The following RABGAP1L variants were observed in gnomAD, a reference collection of about 807,000 sequenced individuals.
RABGAP1L encodes rab GTPase-activating protein 1-like.
In RABGAP1L, 63 loss-of-function variants were observed where a neutral mutation model predicts 137.7. The ratio of observed to expected loss-of-function variants is 0.46; its 90% CI spans 0.37 to 0.56. RABGAP1L has a LOEUF of 0.56. Among genes scored for constraint, RABGAP1L ranks in the 20% least tolerant of loss-of-function variants. RABGAP1L has a pLI of 0.00. For missense variants in RABGAP1L, 1,095 were observed against 1,244.0 expected (o/e 0.88, Z 1.80); for synonymous variants, 431 against 433.7 (o/e 0.99, Z 0.08).
chr1:174,916,523 A>T (rs1033924018), intron 19 of RABGAP1L, among the ~76,000 whole-genome samples: 1 of 152,256 alleles, frequency 6.6e-6, no homozygotes, highest in African/African-American at 2.4e-5. Flanking sequence ...TATGATAGTC[A>T]CAAATATGAA....
At chr1:174,384,195 C>T (rs1047331913) in intron 12 of RABGAP1L, among the ~76,000 whole-genome samples, 1 of 152,090 alleles carries the variant, frequency 6.6e-6, no homozygotes, top group Non-Finnish European at 1.5e-5. Context: ...CTATGTTATT[C>T]CATTTGTATG....
At chr1:174,775,566 GC>G (rs1241680427) in intron 18 of RABGAP1L, among the ~76,000 whole-genome samples, 1 of 152,104 alleles carries the variant, frequency 6.6e-6, no homozygotes, top group Non-Finnish European at 1.5e-5. Context: ...GCCCACCTTG[GC>G]CTCCTAAAGT....
intron 11 of RABGAP1L, among the ~76,000 whole-genome samples, chr1:174,351,551 T>C (rs913603642): frequency 6.6e-6 from 1 of 152,174 alleles, no homozygotes; most frequent in Admixed American, 6.5e-5. Context: ...ATATTGCAGC[T>C]CCATTGTATG....
chr1:174,724,085 A>G (rs1408161348), intron 17 of RABGAP1L, among the ~76,000 whole-genome samples: 6 of 152,224 alleles, frequency 3.9e-5, no homozygotes, highest in Non-Finnish European at 7.3e-5. Context: ...TGTATTAAGT[A>G]TGCATTTTAA....
At chr1:174,283,335 G>A (rs1254156532) in intron 10 of RABGAP1L, among the ~76,000 whole-genome samples, 2 of 152,036 alleles carry the variant, frequency 1.3e-5, no homozygotes, top group Non-Finnish European at 2.9e-5. Flanking sequence ...GAGCCCAGGA[G>A]GTTGAGGCTT....
At chr1:174,537,794 A>C (rs1285522351) in intron 13 of RABGAP1L, among the ~76,000 whole-genome samples, 1 of 152,214 alleles carries the variant, frequency 6.6e-6, no homozygotes, top group East Asian at 1.9e-4. Flanking sequence ...AGAACACAAA[A>C]AAGTTATAAT....
At chr1:174,358,646 GT>G (rs1683859684) in intron 11 of RABGAP1L, among the ~76,000 whole-genome samples, 1 of 152,172 alleles carries the variant, frequency 6.6e-6, no homozygotes, top group Non-Finnish European at 1.5e-5. Context: ...GCCACAGGGA[GT>G]CCATTTTGTC....
In RABGAP1L at chr1:174,448,918, G is replaced by A. The variant is rs745731239; in HGVS notation, c.1710+54773G>A. The A allele has an allele frequency of 1.2e-6, 2 of 1,613,880 alleles. No individual in the cohort carries two copies. Among genetic ancestry groups the A allele is most frequent in the Admixed American group, 1.7e-5 (1 of 60,016 alleles). On this transcript the variant is annotated intron_variant, in intron 13 of 25. Coordinates refer to ENST00000681986, the MANE Select transcript of RABGAP1L (RefSeq NM_001366446.1). The surrounding 1 kb of genome is among the most constrained non-coding windows in gnomAD (Gnocchi z 4.2). ...GTCGCTACGCCATGGTTTTGTTTAGGATAACCAGTGTATTTTATATGCTGT... is the reference window on the plus strand; with the variant it reads ...GTCGCTACGCCATGGTTTTGTTTAGAATAACCAGTGTATTTTATATGCTGT...
intron 7 of RABGAP1L, among the ~76,000 whole-genome samples, chr1:174,262,784 A>C (rs1313944965): frequency 5.3e-5 from 8 of 152,204 alleles, no homozygotes; most frequent in African/African-American, 1.9e-4. Flanking sequence ...CTTGGCTCCA[A>C]ATCTGTCCTC....
intron 13 of RABGAP1L, among the ~76,000 whole-genome samples, chr1:174,493,872 C>T (rs1044598682): frequency 6.8e-6 from 1 of 147,926 alleles, no homozygotes; most frequent in Non-Finnish European, 1.5e-5. Flanking sequence ...CCTGTAACAG[C>T]AAAATCTACT....
At chr1:174,830,351 A>G (rs1223592052) in intron 19 of RABGAP1L, among the ~76,000 whole-genome samples, 2 of 147,688 alleles carry the variant, frequency 1.4e-5, no homozygotes, top group African/African-American at 4.9e-5. Context: ...CTTCCTTCCC[A>G]TTCAATAAAA....
At chr1:174,754,799 GC>G (rs1684599989) in intron 18 of RABGAP1L, among the ~76,000 whole-genome samples, 2 of 152,152 alleles carry the variant, frequency 1.3e-5, no homozygotes, top group South Asian at 4.1e-4. Context: ...AATGAGCCTG[GC>G]CTTCAAAGTG....
chr1:174,513,443 A>G (rs1447748008), intron 13 of RABGAP1L, among the ~76,000 whole-genome samples: 1 of 152,018 alleles, frequency 6.6e-6, no homozygotes, highest in African/African-American at 2.4e-5. Flanking sequence ...CCCTGTCTCT[A>G]CAAAAATTAA....
chr1:174,518,067 C>T (rs1663023972), intron 13 of RABGAP1L, among the ~76,000 whole-genome samples: 2 of 152,060 alleles, frequency 1.3e-5, no homozygotes, highest in South Asian at 4.1e-4. Context: ...ACATTAAAAT[C>T]GCCTAAGGGA....
rs546841608 is a variant in RABGAP1L, at chr1:174,222,826, G to A, written c.331+1662G>A. On this transcript the variant is annotated intron_variant, in intron 3 of 25. Coordinates refer to ENST00000681986, the MANE Select transcript of RABGAP1L (RefSeq NM_001366446.1). Reference sequence around the variant, plus strand: ...TGGTAAAGTATTTAAGAAAGTGAATGGATAAGCTATTAGATTTAAAGACTT... The same window carrying A: ...TGGTAAAGTATTTAAGAAAGTGAATAGATAAGCTATTAGATTTAAAGACTT... 2.0e-5 allele frequency among the ~76,000 whole-genome samples: 3 copies of A among 152,236 alleles called. No homozygotes were observed. In the South Asian group the frequency reaches 6.2e-4, roughly 32 times the overall value.
intron 19 of RABGAP1L, 127 bp downstream of exon 19, chr1:174,812,087 G>A (rs1689929846): frequency 1.1e-6 from 1 of 876,336 alleles, no homozygotes; most frequent in Admixed American, 3.6e-5. Flanking sequence ...TGTATGAACT[G>A]ATTTCTCCCA....
At chr1:174,645,230 T>C (rs1426593248) in intron 14 of RABGAP1L, among the ~76,000 whole-genome samples, 1 of 152,070 alleles carries the variant, frequency 6.6e-6, no homozygotes, top group Non-Finnish European at 1.5e-5. Context: ...ATTTAGATTA[T>C]GTATTATATA....
intron 12 of RABGAP1L, among the ~76,000 whole-genome samples, chr1:174,380,835 T>C (rs750483250): frequency 0.014 from 1,687 of 124,148 alleles, 8 homozygotes; most frequent in Non-Finnish European, 0.021. Context: ...TGCTAGCTTT[T>C]GAATGTGTTT....
intron 20 of RABGAP1L, chr1:174,964,945 C>T: frequency 2.7e-6 from 4 of 1,504,860 alleles, no homozygotes; most frequent in Non-Finnish European, 3.6e-6. Context: ...GTCTTTGTAC[C>T]TATGATTGAA....
Sources: gnomAD v4.1 joint callset for allele counts (sites outside exome capture counted in the v4.1 genomes callset) on GRCh38, gnomAD v4.1.1 for gene constraint, Gnocchi (gnomAD v3.1) non-coding constraint, MANE v1.5 for transcripts, NCBI Gene and HGNC (gene_info 2026-07-23, HGNC 2026-07-21) for gene names.